MINDY2: variants seen among roughly 807,000 people sequenced by gnomAD.
The protein encoded by MINDY2 is MINDY lysine 48 deubiquitinase 2.
MINDY2 carries 52 observed loss-of-function variants against 68.2 expected under a neutral mutation model. That is an observed-to-expected ratio of 0.76 (90% CI 0.61 to 0.96). MINDY2 has a LOEUF of 0.96. Ranked by LOEUF, MINDY2 falls within the 40% of genes least tolerant of loss-of-function variation. The pLI is 0.00. For missense variants in MINDY2, 881 were observed against 773.4 expected (o/e 1.14, Z -1.65); for synonymous variants, 372 against 303.0 (o/e 1.23, Z -2.36).
At chr15:58,801,898 G>T (rs964255528) in intron 2 of MINDY2, among the ~76,000 whole-genome samples, 4 of 152,192 alleles carry the variant, frequency 2.6e-5, no homozygotes, top group African/African-American at 9.6e-5. Flanking sequence ...GATCACAGGC[G>T]TGAGCCACCA....
At chr15:58,832,530 T>C (rs1290667827) in intron 6 of MINDY2, among the ~76,000 whole-genome samples, 1 of 131,136 alleles carries the variant, frequency 7.6e-6, no homozygotes, top group Non-Finnish European at 1.6e-5. Context: ...GCCCAGACTT[T>C]TTTTTTTTTC....
rs2033003703 is a variant in MINDY2, at chr15:58,854,766, CT to C, written c.*161del. The C allele has an allele frequency of 4.0e-6, 3 of 753,358 alleles. No individual in the cohort carries two copies. The highest frequency in any genetic ancestry group is 4.4e-4 in the Middle Eastern group (1 of 2,280). The allele number at this position is 753,358 out of a possible 1,614,324, so 46.7% of individuals were successfully genotyped here. ...CGGTTGTTACTTAGTTACAATCAGA[CT>C]TTTTCAAGTCACACAATACACTCTT... On this transcript the variant is annotated 3_prime_UTR_variant, in exon 9 of 9. Transcript: ENST00000559228.
At chr15:58,847,175 A>C (rs1452858044) in intron 6 of MINDY2, 122 bp from the exon 7 acceptor site, 1 of 721,164 alleles carries the variant, frequency 1.4e-6, no homozygotes, top group Non-Finnish European at 2.1e-6. Flanking sequence ...TGTTGTACAG[A>C]TCTAAACAGT....
In MINDY2 at chr15:58,796,114, T is replaced by C. The variant is rs1376448683; in HGVS notation, c.899-6199T>C. 4 of 455,904 alleles carry C rather than the reference T, an allele frequency of 8.8e-6. No homozygotes were observed. The East Asian group carries it at 2.1e-4, about 24-fold the overall frequency. The allele number at this position is 455,904 out of a possible 1,614,324, so 28.2% of individuals were successfully genotyped here. On this transcript the variant is annotated intron_variant, in intron 2 of 8. Transcript: ENST00000559228. ...ATCTGGGAGGCAAGGAAATGGAGCC[T>C]CAAGGGCAGAAAACTTTTGAGAAGT...
chr15:58,791,991 T>A (rs540892262), intron 2 of MINDY2, among the ~76,000 whole-genome samples: 15 of 152,048 alleles, frequency 9.9e-5, no homozygotes, highest in African/African-American at 3.4e-4. Flanking sequence ...AATGAAGAAA[T>A]GTTTCAAGGA....
At chr15:58,801,380 TAAAAAAAAAAAAA>T (rs1188514448) in intron 2 of MINDY2, among the ~76,000 whole-genome samples, 1,223 of 22,816 alleles carry the variant, frequency 0.054, 56 homozygotes, top group African/African-American at 0.15. Flanking sequence ...CCCCATCTCT[TAAAAAAAAAAAAA>T]AAAAAAAAAA....
intron 8 of MINDY2, among the ~76,000 whole-genome samples, chr15:58,852,733 C>T (rs997524532): frequency 7.9e-5 from 12 of 152,078 alleles, no homozygotes; most frequent in African/African-American, 2.2e-4. Context: ...AATATTAGCA[C>T]TTACCCCAAT....
chr15:58,814,219 C>G (rs539263291), intron 4 of MINDY2, among the ~76,000 whole-genome samples: 1 of 152,122 alleles, frequency 6.6e-6, no homozygotes, highest in Non-Finnish European at 1.5e-5. Flanking sequence ...CGATTACAGG[C>G]GTGAGCCATC....
intron 1 of MINDY2, among the ~76,000 whole-genome samples, chr15:58,782,756 C>G (rs530663139): frequency 4.0e-4 from 61 of 151,470 alleles, no homozygotes; most frequent in Non-Finnish European, 7.1e-4. Flanking sequence ...CATCACAGTA[C>G]TTCTACTTAC....
chr15:58,842,334 T>C (rs574098393), intron 6 of MINDY2, among the ~76,000 whole-genome samples: 1 of 152,250 alleles, frequency 6.6e-6, no homozygotes, highest in East Asian at 1.9e-4. Context: ...ACTCTATGTT[T>C]AGGGATTAGA....
At chr15:58,817,072 A>G (rs1194777520) in intron 4 of MINDY2, among the ~76,000 whole-genome samples, 2 of 152,246 alleles carry the variant, frequency 1.3e-5, no homozygotes, top group Non-Finnish European at 2.9e-5. Context: ...GATTTCAAAA[A>G]CAAGATACAA....
At chr15:58,780,198 A>G (rs937603122) in intron 1 of MINDY2, among the ~76,000 whole-genome samples, 3 of 152,120 alleles carry the variant, frequency 2.0e-5, no homozygotes, top group Non-Finnish European at 4.4e-5. Context: ...TGATGTCAGG[A>G]GTTTGAGACC....
intron 7 of MINDY2, among the ~76,000 whole-genome samples, chr15:58,851,380 TTTTTA>T (rs2032802465): frequency 6.6e-6 from 1 of 152,302 alleles, no homozygotes; most frequent in Non-Finnish European, 1.5e-5. Context: ...AATAAAATGT[TTTTTA>T]TTTTATTTTA....
intron 4 of MINDY2, among the ~76,000 whole-genome samples, chr15:58,811,635 C>T (rs537755640): frequency 1.6e-4 from 24 of 152,184 alleles, no homozygotes; most frequent in Non-Finnish European, 2.4e-4. Flanking sequence ...ATACTACCCC[C>T]AAGCTATGGC....
At chr15:58,806,354 CTTTTTTTTTTTTT>C (rs57824507) in intron 3 of MINDY2, among the ~76,000 whole-genome samples, 4 of 128,596 alleles carry the variant, frequency 3.1e-5, no homozygotes, top group Non-Finnish European at 6.6e-5. Flanking sequence ...AACGTGCCAA[CTTTTTTTTTTTTT>C]TTTTTTTTGA....
At chr15:58,794,027 C>A (rs925651265) in intron 2 of MINDY2, among the ~76,000 whole-genome samples, 2 of 152,054 alleles carry the variant, frequency 1.3e-5, no homozygotes, top group Admixed American at 1.3e-4. Flanking sequence ...TTAACCAGAG[C>A]TGGACTTTTG....
At chr15:58,776,153 T>G (rs1900756604) in intron 1 of MINDY2, among the ~76,000 whole-genome samples, 1 of 152,194 alleles carries the variant, frequency 6.6e-6, no homozygotes. Flanking sequence ...GGGAAATTAC[T>G]ACATAGAGTA....
At chr15:58,807,511 C>T (rs951641275) in intron 3 of MINDY2, among the ~76,000 whole-genome samples, 1 of 151,988 alleles carries the variant, frequency 6.6e-6, no homozygotes, top group African/African-American at 2.4e-5. Context: ...AGGCGCCCGC[C>T]ATCATGCCTG....
chr15:58,852,491 G>GC (rs1369346820), intron 8 of MINDY2, among the ~76,000 whole-genome samples: 1 of 152,028 alleles, frequency 6.6e-6, no homozygotes, highest in Non-Finnish European at 1.5e-5. Flanking sequence ...ATTCGTAATA[G>GC]CTGCAAAGAA....
Sources: allele counts gnomAD v4.1 joint callset (sites outside exome capture counted in the v4.1 genomes callset), GRCh38; gene constraint gnomAD v4.1.1; transcripts MANE v1.5; gene names NCBI Gene and HGNC (gene_info 2026-07-23, HGNC 2026-07-21).